Variants in NLRC5 observed in about 807,000 individuals in gnomAD.
NLRC5 encodes protein NLRC5.
Under a neutral mutation model 206.9 loss-of-function variants are expected in NLRC5, and 114 were observed. The observed-to-expected ratio is 0.55, with a 90% CI of 0.47 to 0.64. The LOEUF (loss-of-function observed/expected upper bound fraction) is 0.64, where lower values mean the gene tolerates loss of function less well. Ranked by LOEUF, NLRC5 falls within the 30% of genes least tolerant of loss-of-function variation. The pLI is 0.00. For synonymous variants in NLRC5, 952 were observed against 962.8 expected, an observed-to-expected ratio of 0.99 and a Z score of 0.21; for missense variants, 2,008 against 2,305.5, an observed-to-expected ratio of 0.87 and a Z score of 2.64.
At chr16:57,003,375 G>T (rs1167744708) in intron 1 of NLRC5, among the ~76,000 whole-genome samples, 1 of 152,124 alleles carries the variant, frequency 6.6e-6, no homozygotes, top group Non-Finnish European at 1.5e-5. Context: ...TCATGTGCCA[G>T]GTTCCATGTC....
chr16:57,021,271 C>T (rs1244915825), intron 3 of NLRC5, among the ~76,000 whole-genome samples: 2 of 151,824 alleles, frequency 1.3e-5, no homozygotes, highest in Non-Finnish European at 2.9e-5. Flanking sequence ...TCCCACATAG[C>T]CCATAATGCC....
chr16:57,078,089 TC>T (rs1443239097), intron 43 of NLRC5, 69 bp downstream of exon 43: 18 of 1,317,936 alleles, frequency 1.4e-5, no homozygotes, highest in Non-Finnish European at 1.9e-5. Flanking sequence ...AGTGGGGGGG[TC>T]CAGGCCCCCA....
chr16:57,077,439 C>T (rs2068536642), intron 41 of NLRC5, 60 bp downstream of exon 41: 3 of 1,471,734 alleles, frequency 2.0e-6, no homozygotes, highest in Non-Finnish European at 1.9e-6. Flanking sequence ...CTAGGAGATA[C>T]TGGCCCCTAG....
intron 6 of NLRC5, 80 bp downstream of exon 6, chr16:57,027,098 C>G (rs749997734): frequency 1.4e-4 from 198 of 1,466,350 alleles, no homozygotes; most frequent in Non-Finnish European, 2.4e-5. Context: ...CAAACCTCTG[C>G]CAAGAGGACT....
rs2061879733 is a variant in NLRC5 at position 57,031,483 on chromosome 16, TG to T, written c.2477+23del. On this transcript the variant is annotated intron_variant, in intron 11 of 48. Transcript: ENST00000688547. Reference sequence around the variant, plus strand: ...ACAAAGGTAAGAAGCCAAGAGGCGGTGGGCCTGGGGCCATCCTTAGAAGCAA... The same window carrying T: ...ACAAAGGTAAGAAGCCAAGAGGCGGTGGCCTGGGGCCATCCTTAGAAGCAA... 3 of 1,611,218 alleles carry T rather than the reference TG, an allele frequency of 1.9e-6. No homozygotes were observed. Among genetic ancestry groups the T allele is most frequent in the Non-Finnish European group, 2.5e-6 (3 of 1,179,012 alleles).
chr16:57,078,630 C>T (rs2145119081), intron 43 of NLRC5, among the ~76,000 whole-genome samples: 1 of 151,992 alleles, frequency 6.6e-6, no homozygotes. Flanking sequence ...CCCACCATGC[C>T]CAGCTAATTT....
intron 2 of NLRC5, among the ~76,000 whole-genome samples, chr16:57,018,288 A>G (rs1482026792): frequency 1.3e-5 from 2 of 152,202 alleles, no homozygotes; most frequent in African/African-American, 4.8e-5. Flanking sequence ...GTCTGGTGCC[A>G]TCTAGGCCTC....
intron 32 of NLRC5, chr16:57,062,388 A>T (rs2066624645): frequency 3.0e-6 from 1 of 330,586 alleles, no homozygotes; most frequent in Non-Finnish European, 5.8e-6. Flanking sequence ...GATCTGTCAC[A>T]TCTGGTCTGC....
At chr16:57,061,188 C>T (rs1378936558) in intron 30 of NLRC5, among the ~76,000 whole-genome samples, 1 of 152,246 alleles carries the variant, frequency 6.6e-6, no homozygotes, top group African/African-American at 2.4e-5. Context: ...CAGAGGCTGG[C>T]ACAGTGCCTG....
At chr16:57,049,719 G>A (rs761197042) in intron 23 of NLRC5, among the ~76,000 whole-genome samples, 7 of 150,656 alleles carry the variant, frequency 4.6e-5, no homozygotes, top group Non-Finnish European at 1.0e-4. Flanking sequence ...GGGCAACAGA[G>A]CAAGACTCTG....
intron 1 of NLRC5, among the ~76,000 whole-genome samples, chr16:56,996,796 GA>G (rs1229913072): frequency 1.3e-5 from 2 of 152,206 alleles, no homozygotes; most frequent in Admixed American, 6.5e-5. Context: ...AGTTTTAAAA[GA>G]CGACCATTTG....
intron 33 of NLRC5, 36 bp downstream of exon 33, chr16:57,065,334 A>C (rs760776542): frequency 1.4e-6 from 2 of 1,436,466 alleles, no homozygotes; most frequent in Non-Finnish European, 9.5e-7. Context: ...GGAATTCTTC[A>C]TCTTTCATAA....
At position 57,037,254 on chromosome 16, in the gene NLRC5, C is replaced by T. The variant is rs199850703; in HGVS notation, c.2771C>T (p.Ala924Val). 1.2e-5 allele frequency: 19 copies of T among 1,613,602 alleles called. No individual in the cohort carries two copies. The highest frequency in any genetic ancestry group is 1.1e-4 in the East Asian group (5 of 44,882). The change falls in exon 15 of 49, where the codon GCG (alanine) becomes GTG (valine). Residue 924 changes from alanine to valine, a missense_variant. Physicochemically the swap from Ala to Val is moderately conservative, Grantham distance 64. Coordinates refer to ENST00000688547, the MANE Select transcript of NLRC5 (RefSeq NM_001384950.1). ...CATTGTGTGCTGAGGGCCGTGAGTG[C>T]GTGCTGGACCCTGGCAGAGCTGCAC... ...GVHCVLRAVS[A>V]CWTLAELHIS... is the part of the protein sequence containing the mutation.
intron 26 of NLRC5, 36 bp downstream of exon 26, chr16:57,055,130 G>A (rs201348157): frequency 2.5e-6 from 4 of 1,610,794 alleles, no homozygotes; most frequent in South Asian, 1.1e-5. Flanking sequence ...GCAGCTAGTT[G>A]ATGTTGGGGA....
intron 2 of NLRC5, among the ~76,000 whole-genome samples, chr16:57,018,072 CTGGAGGAGAAATT>C (rs1567534856): frequency 6.6e-6 from 1 of 152,170 alleles, no homozygotes. Context: ...GTTAGACTGG[CTGGAGGAGAAATT>C]TGAGGATGAG....
intron 38 of NLRC5, among the ~76,000 whole-genome samples, chr16:57,073,304 G>A (rs1351782757): frequency 2.0e-5 from 3 of 152,258 alleles, no homozygotes; most frequent in South Asian, 2.1e-4. Flanking sequence ...GTCAGTGCCC[G>A]GAGGTCTCTT....
chr16:57,037,940 G>A (rs1272044386), intron 15 of NLRC5, among the ~76,000 whole-genome samples: 1 of 152,142 alleles, frequency 6.6e-6, no homozygotes, highest in Non-Finnish European at 1.5e-5. Context: ...CACCCAAAAG[G>A]TAGATTAGGG....
intron 10 of NLRC5, among the ~76,000 whole-genome samples, chr16:57,030,474 G>GGATGAAAA (rs2143010919): frequency 6.8e-6 from 1 of 146,200 alleles, no homozygotes; most frequent in African/African-American, 2.5e-5. Flanking sequence ...ATGAAAAGAT[G>GGATGAAAA]GATGGGTGGA....
At position 57,031,479 on chromosome 16, in the gene NLRC5, G is replaced by T. The variant is rs539430029; in HGVS notation, c.2477+16G>T. ...AGCTACAAAGGTAAGAAGCCAAGAG[G>T]CGGTGGGCCTGGGGCCATCCTTAGA... On this transcript the variant is annotated intron_variant, in intron 11 of 48. Transcript: ENST00000688547. The T allele has an allele frequency of 3.7e-6, 6 of 1,613,694 alleles. No individual in the cohort carries two copies. Among genetic ancestry groups the T allele is most frequent in the Admixed American group, 1.7e-5 (1 of 59,994 alleles).
Sources: gnomAD v4.1 joint callset for allele counts (sites outside exome capture counted in the v4.1 genomes callset) on GRCh38, gnomAD v4.1.1 for gene constraint, MANE v1.5 for transcripts, NCBI Gene and HGNC (gene_info 2026-07-23, HGNC 2026-07-21) for gene names.